COLEC12: variants seen among roughly 807,000 people sequenced by gnomAD.
COLEC12 encodes collectin-12.
Under a neutral mutation model 71.1 loss-of-function variants are expected in COLEC12, and 33 were observed. The observed-to-expected ratio is 0.46, with a 90% CI of 0.35 to 0.62. The LOEUF is 0.62. Among genes scored for constraint, COLEC12 ranks in the 20% least tolerant of loss-of-function variants. COLEC12 has a pLI of 0.00. For missense variants in COLEC12, 765 were observed against 916.1 expected, an observed-to-expected ratio of 0.84 and a Z score of 2.13; for synonymous variants, 350 against 353.0, an observed-to-expected ratio of 0.99 and a Z score of 0.10.
chr18:348,701 A>G (rs143861476), intron 3 of COLEC12, among the ~76,000 whole-genome samples: 1 of 152,314 alleles, frequency 6.6e-6, no homozygotes, highest in Non-Finnish European at 1.5e-5. Flanking sequence ...TATGAGTTCC[A>G]CCACAAGGCC....
intron 2 of COLEC12, among the ~76,000 whole-genome samples, chr18:388,099 GGGGCTAATGAA>G (rs1385059588): frequency 3.9e-5 from 6 of 152,138 alleles, no homozygotes; most frequent in African/African-American, 1.2e-4. Flanking sequence ...TTCTTGTCAA[GGGGCTAATGAA>G]CTGTAAAACA....
intron 2 of COLEC12, among the ~76,000 whole-genome samples, chr18:406,082 G>C (rs1915779371): frequency 6.6e-6 from 1 of 152,138 alleles, no homozygotes; most frequent in South Asian, 2.1e-4. Context: ...CGTCCTCACT[G>C]CTACACTCCC....
intron 2 of COLEC12, among the ~76,000 whole-genome samples, chr18:372,337 C>A (rs1326017000): frequency 6.6e-6 from 1 of 152,206 alleles, no homozygotes; most frequent in Non-Finnish European, 1.5e-5. Flanking sequence ...AGCAGGCAAT[C>A]CAAACCCTTG....
At position 480,339 on chromosome 18, in the gene COLEC12, C is replaced by T. The variant is rs1219261567; in HGVS notation, c.58+368G>A. Among the ~76,000 whole-genome samples, 5 of 152,196 alleles carry T rather than the reference C, an allele frequency of 3.3e-5. No individual in the cohort carries two copies. The highest frequency in any genetic ancestry group is 4.4e-5 in the Non-Finnish European group (3 of 68,034). On this transcript the variant is annotated intron_variant, in intron 2 of 9. Transcript: ENST00000400256. The surrounding 1 kb of genome is among the most constrained non-coding windows in gnomAD (Gnocchi z 4.1). The stretch of plus-strand genomic sequence containing the variant: ...TGAACACTGGGTTAGGAGTGTAAGG[C>T]CTGAGCAAAGACGTTTTCTGAATAA...
At chr18:488,906 T>C (rs1276421851) in intron 1 of COLEC12, among the ~76,000 whole-genome samples, 1 of 151,324 alleles carries the variant, frequency 6.6e-6, no homozygotes, top group African/African-American at 2.4e-5. Context: ...AGAAAATCAA[T>C]TTAGAGGGTC....
At chr18:472,736 A>C (rs1917226793) in intron 2 of COLEC12, among the ~76,000 whole-genome samples, 1 of 151,658 alleles carries the variant, frequency 6.6e-6, no homozygotes, top group Non-Finnish European at 1.5e-5. Context: ...AGAAGAAAAG[A>C]AAATAGACTC....
Position 454,260 on chromosome 18 carries a change from AC to A in COLEC12, c.58+26446del, listed in dbSNP as rs145315403. 9.0e-3 allele frequency among the ~76,000 whole-genome samples: 1,377 copies of A among 152,214 alleles called. 19 individuals are homozygous for A. Among genetic ancestry groups the A allele is most frequent in the African/African-American group, 0.031 (1,306 of 41,522 alleles). On this transcript the variant is annotated intron_variant, in intron 2 of 9. Coordinates refer to ENST00000400256, the MANE Select transcript of COLEC12 (RefSeq NM_130386.3). ...ATTCCATGCTGTTTCCACCTGAGGG[AC>A]TTTTTACTTCCCACACACCATGAGG...
intron 3 of COLEC12, among the ~76,000 whole-genome samples, chr18:349,136 G>C (rs117860450): frequency 0.018 from 2,746 of 152,318 alleles, 37 homozygotes; most frequent in Middle Eastern, 0.058. Flanking sequence ...GAGCCTTCCT[G>C]GCAGCCCTTT....
chr18:378,118 T>C (rs1915152562), intron 2 of COLEC12, among the ~76,000 whole-genome samples: 1 of 152,198 alleles, frequency 6.6e-6, no homozygotes, highest in African/African-American at 2.4e-5. Context: ...TGCTGCCCAG[T>C]TGAGACTCAG....
chr18:397,055 T>G (rs1266439960), intron 2 of COLEC12, among the ~76,000 whole-genome samples: 1 of 152,212 alleles, frequency 6.6e-6, no homozygotes, highest in Admixed American at 6.5e-5. Flanking sequence ...CTTGTTGCTT[T>G]GTTGAGTTTG....
intron 2 of COLEC12, among the ~76,000 whole-genome samples, chr18:368,702 A>G (rs1382256055): frequency 3.2e-5 from 4 of 124,882 alleles, no homozygotes; most frequent in Non-Finnish European, 6.5e-5. Context: ...GTCTCCACTA[A>G]AAAATACAAA....
intron 2 of COLEC12, among the ~76,000 whole-genome samples, chr18:443,531 A>G (rs1224768233): frequency 6.6e-6 from 1 of 152,054 alleles, no homozygotes; most frequent in East Asian, 1.9e-4. Flanking sequence ...TTTCATGGGA[A>G]CATGTGTTTG....
intron 4 of COLEC12, among the ~76,000 whole-genome samples, chr18:347,710 T>C (rs954345255): frequency 1.3e-5 from 2 of 152,228 alleles, no homozygotes; most frequent in African/African-American, 4.8e-5. Flanking sequence ...TCTTTCACTT[T>C]ATAACTTAAT....
rs1916097273 is a variant in COLEC12, at chr18:421,475, T to A, written c.58+59232A>T. ...CATTCCCTGTTGCTTGTTTTCTGCT[T>A]GTAGGCTGATGAGGCAGGAGGCAGA... On this transcript the variant is annotated intron_variant, in intron 2 of 9. Transcript: ENST00000400256. Among the ~76,000 whole-genome samples the A allele has an allele frequency of 2.0e-5, 3 of 152,232 alleles. No individual in the cohort carries two copies. The South Asian group carries it at 6.2e-4, about 32-fold the overall frequency.
At chr18:499,022 G>T (rs1286317804) in intron 1 of COLEC12, among the ~76,000 whole-genome samples, 1 of 152,152 alleles carries the variant, frequency 6.6e-6, no homozygotes, top group Admixed American at 6.5e-5. Flanking sequence ...AAAACCACTG[G>T]TCTTAATGAC....
intron 2 of COLEC12, among the ~76,000 whole-genome samples, chr18:386,790 T>C (rs1915354380): frequency 6.6e-6 from 1 of 152,194 alleles, no homozygotes; most frequent in Non-Finnish European, 1.5e-5. Flanking sequence ...TCCTCAAATA[T>C]TCCTCAAGTA....
chr18:389,414 G>A (rs1970642), intron 2 of COLEC12, among the ~76,000 whole-genome samples: 155 of 151,984 alleles, frequency 1.0e-3, no homozygotes, highest in African/African-American at 3.5e-3. Flanking sequence ...GAGTAGCTGG[G>A]ACTACAGGCG....
chr18:393,260 C>G (rs1190346320), intron 2 of COLEC12, among the ~76,000 whole-genome samples: 2 of 152,202 alleles, frequency 1.3e-5, no homozygotes, highest in African/African-American at 4.8e-5. Context: ...TGTATCCCAT[C>G]TTGAGCCTCT....
chr18:472,200 G>A (rs1567918448), intron 2 of COLEC12, among the ~76,000 whole-genome samples: 3 of 152,258 alleles, frequency 2.0e-5, no homozygotes, highest in Middle Eastern at 3.4e-3. Flanking sequence ...CTACTCACTC[G>A]TAACTGGCAA....
Sources: allele counts gnomAD v4.1 joint callset (sites outside exome capture counted in the v4.1 genomes callset), GRCh38; gene constraint gnomAD v4.1.1; non-coding constraint Gnocchi (gnomAD v3.1); transcripts MANE v1.5; gene names NCBI Gene and HGNC (gene_info 2026-07-23, HGNC 2026-07-21).